The following DOCK3 variants were observed in gnomAD, a reference collection of about 807,000 sequenced individuals.
DOCK3 encodes the protein dedicator of cytokinesis protein 3.
DOCK3 carries 60 observed loss-of-function variants against 265.6 expected under a neutral mutation model. The observed-to-expected ratio is 0.23, with a 90% confidence interval of 0.18 to 0.28. The LOEUF is 0.28. Among genes scored for constraint, DOCK3 ranks in the 10% least tolerant of loss-of-function variants. The pLI is 1.00. For synonymous variants in DOCK3, 881 were observed against 938.0 expected, an observed-to-expected ratio of 0.94 and a Z score of 1.11; for missense variants, 1,981 against 2,594.3, an observed-to-expected ratio of 0.76 and a Z score of 5.14.
chr3:50,829,001 C>T (rs1038027381), intron 2 of DOCK3, among the ~76,000 whole-genome samples: 5 of 152,168 alleles, frequency 3.3e-5, no homozygotes, highest in South Asian at 2.1e-4. Flanking sequence ...TGTGAGCCAC[C>T]GCGCCTGGAC....
intron 24 of DOCK3, among the ~76,000 whole-genome samples, chr3:51,272,237 T>C (rs1003818118): frequency 8.6e-5 from 13 of 151,936 alleles, no homozygotes; most frequent in Non-Finnish European, 1.5e-4. Flanking sequence ...AAAACAATTA[T>C]TAGAATTTTT....
intron 12 of DOCK3, among the ~76,000 whole-genome samples, chr3:51,179,287 A>G (rs2087144029): frequency 6.6e-6 from 1 of 152,278 alleles, no homozygotes; most frequent in Non-Finnish European, 1.5e-5. Context: ...ACAATGCATC[A>G]TACCAGTCAT....
intron 12 of DOCK3, among the ~76,000 whole-genome samples, chr3:51,199,724 G>C (rs557593116): frequency 6.6e-6 from 1 of 152,320 alleles, no homozygotes; most frequent in South Asian, 2.1e-4. Context: ...CTGAGAATGG[G>C]CAGACTGCCT....
At chr3:50,997,820 C>A (rs1184511009) in intron 5 of DOCK3, among the ~76,000 whole-genome samples, 1 of 152,086 alleles carries the variant, frequency 6.6e-6, no homozygotes, top group Non-Finnish European at 1.5e-5. Flanking sequence ...AAATTAAAAT[C>A]CCTGCTGTGG....
chr3:50,773,971 C>T (rs2041438296), intron 1 of DOCK3, among the ~76,000 whole-genome samples: 2 of 151,946 alleles, frequency 1.3e-5, no homozygotes, highest in Non-Finnish European at 2.9e-5. Flanking sequence ...ATTTATCTTC[C>T]ATTGAGGATT....
chr3:51,287,788 A>G (rs1256797214), intron 27 of DOCK3, among the ~76,000 whole-genome samples: 1 of 152,188 alleles, frequency 6.6e-6, no homozygotes, highest in Non-Finnish European at 1.5e-5. Context: ...CTGGATATAT[A>G]ACCAAAGGAA....
intron 12 of DOCK3, among the ~76,000 whole-genome samples, chr3:51,187,794 A>T (rs1484438577): frequency 1.4e-5 from 2 of 139,474 alleles, no homozygotes; most frequent in Non-Finnish European, 3.0e-5. Context: ...CTTGTAAGAT[A>T]TGACTTGCTC....
intron 12 of DOCK3, among the ~76,000 whole-genome samples, chr3:51,166,051 C>CTTT (rs754621873): frequency 7.5e-6 from 1 of 133,178 alleles, no homozygotes; most frequent in Non-Finnish European, 1.6e-5. Flanking sequence ...TATATATATT[C>CTTT]TTTTTTTTTT....
At position 51,350,416 on chromosome 3, in the gene DOCK3, A is replaced by G. The variant is rs9311468; in HGVS notation, c.4107+24A>G. ...GGGTGAGTCCATTCAGATGGTCACA[A>G]GAACTTATATATTTTACGCATAATT... On this transcript the variant is annotated intron_variant, in intron 40 of 52. Transcript: ENST00000266037. The G allele has an allele frequency of 5.5e-4, 874 of 1,600,180 alleles. 4 individuals are homozygous for G. In the African/African-American group the frequency reaches 0.011, roughly 19 times the overall value.
intron 27 of DOCK3, 57 bp downstream of exon 27, chr3:51,280,261 G>A (rs1315661730): frequency 6.6e-7 from 1 of 1,524,112 alleles, no homozygotes; most frequent in Non-Finnish European, 9.0e-7. Context: ...GCACTCCCCA[G>A]GGGCTTTTTC....
chr3:51,055,757 A>AT (rs11423656), intron 5 of DOCK3, among the ~76,000 whole-genome samples: 113,892 of 151,948 alleles, frequency 0.75, 43,876 homozygotes, highest in Middle Eastern at 0.88. Flanking sequence ...TATCTCTAAT[A>AT]TTTTTTCTAC....
At chr3:50,961,034 T>C (rs1358408397) in intron 5 of DOCK3, among the ~76,000 whole-genome samples, 3 of 152,204 alleles carry the variant, frequency 2.0e-5, no homozygotes, top group African/African-American at 7.2e-5. Flanking sequence ...TCAGTTGATC[T>C]ATATTTCTGT....
chr3:51,158,384 A>G (rs923949839), intron 10 of DOCK3, among the ~76,000 whole-genome samples: 5 of 152,112 alleles, frequency 3.3e-5, no homozygotes, highest in Admixed American at 6.5e-5. Flanking sequence ...CATCTCTACA[A>G]ATAATTTTAA....
chr3:51,277,977 A>AT lies in DOCK3; in HGVS notation c.2823+224dup, dbSNP rs1437870291. ...CTCTTCTTTAGGGCAGATCTGGGGA[A>AT]TGTTTCTTGTCCTGTTTTCCTGCAT... On this transcript the variant is annotated intron_variant, in intron 26 of 52. Coordinates refer to ENST00000266037, the MANE Select transcript of DOCK3 (RefSeq NM_004947.5). The AT allele has an allele frequency of 3.0e-6, 3 of 985,204 alleles. No individual in the cohort carries two copies. The African/African-American group carries it at 5.2e-5, about 17-fold the overall frequency. The allele number at this position is 985,204 out of a possible 1,614,324, so 61.0% of individuals were successfully genotyped here.
At chr3:51,367,794 T>A (rs1399036866) in intron 49 of DOCK3, among the ~76,000 whole-genome samples, 1 of 152,180 alleles carries the variant, frequency 6.6e-6, no homozygotes, top group African/African-American at 2.4e-5. Flanking sequence ...AAAATTCTTT[T>A]CTTTAAGAAT....
At chr3:50,849,732 A>AATTAGATG (rs1170513934) in intron 3 of DOCK3, among the ~76,000 whole-genome samples, 3 of 152,192 alleles carry the variant, frequency 2.0e-5, no homozygotes, top group Non-Finnish European at 4.4e-5. Context: ...AAAATGTAAA[A>AATTAGATG]ATTAGATGCC....
intron 27 of DOCK3, among the ~76,000 whole-genome samples, chr3:51,309,620 AGAGCGAGAGC>A (rs2109519319): frequency 5.8e-4 from 1 of 1,734 alleles, no homozygotes; most frequent in African/African-American, 6.3e-3. Flanking sequence ...AGGGAGAGGG[AGAGCGAGAGC>A]GAGAGCGAGA....
intron 27 of DOCK3, among the ~76,000 whole-genome samples, chr3:51,309,073 G>A (rs1406907296): frequency 6.6e-6 from 1 of 151,862 alleles, no homozygotes; most frequent in South Asian, 2.1e-4. Context: ...GATGGCGGGC[G>A]GGCAGAGACG....
rs1443486659 is a variant in DOCK3 at position 51,081,914 on chromosome 3, T to A, written c.549+6474T>A. On this transcript the variant is annotated intron_variant, in intron 7 of 52. Coordinates refer to ENST00000266037, the MANE Select transcript of DOCK3 (RefSeq NM_004947.5). Reference sequence around the variant, plus strand: ...CTGTCTCAAAAAAAAAAAAAAAAAATTCGAAACTGGAGGGTTGCAGGGGGT... The same window carrying A: ...CTGTCTCAAAAAAAAAAAAAAAAAAATCGAAACTGGAGGGTTGCAGGGGGT... Among the ~76,000 whole-genome samples, 37 of 105,698 alleles carry A rather than the reference T, an allele frequency of 3.5e-4. 1 individual carries two copies. The South Asian group carries it at 8.9e-3, about 25-fold the overall frequency. 69.3% of individuals were successfully genotyped at this position (105,698 alleles called of 152,430 possible). A position where few individuals can be genotyped will look rare whatever the true frequency, so the allele number is the denominator to read the frequency against.
Sources: gnomAD v4.1 joint callset for allele counts (sites outside exome capture counted in the v4.1 genomes callset) on GRCh38, gnomAD v4.1.1 for gene constraint, MANE v1.5 for transcripts, NCBI Gene and HGNC (gene_info 2026-07-23, HGNC 2026-07-21) for gene names.